The following TRPC4 variants were observed in gnomAD, a reference collection of about 807,000 sequenced individuals.
TRPC4 encodes transient receptor potential cation channel subfamily C member 4.
A neutral mutation model predicts 99.4 loss-of-function variants in TRPC4; 49 were observed. The observed-to-expected ratio is 0.49, with a 90% CI of 0.39 to 0.63. The LOEUF (loss-of-function observed/expected upper bound fraction) is 0.63. Among genes scored for constraint, TRPC4 ranks in the 20% least tolerant of loss-of-function variants. The probability of loss-of-function intolerance (pLI) is 0.00; values close to 1 mark genes in which losing one functional copy is unlikely to be tolerated. For synonymous variants in TRPC4, 454 were observed against 425.9 expected, an observed-to-expected ratio of 1.07 and a Z score of -0.81; for missense variants, 898 against 1,152.9, an observed-to-expected ratio of 0.78 and a Z score of 3.20.
At chr13:37,647,565 A>G (rs1164553169) in intron 8 of TRPC4, among the ~76,000 whole-genome samples, 3 of 152,224 alleles carry the variant, frequency 2.0e-5, no homozygotes, top group Non-Finnish European at 2.9e-5. Context: ...ACTGGGAAAC[A>G]ATGGAAGACC....
At chr13:37,743,040 C>T (rs745708315) in intron 3 of TRPC4, among the ~76,000 whole-genome samples, 5 of 151,960 alleles carry the variant, frequency 3.3e-5, no homozygotes, top group Non-Finnish European at 1.5e-5. Flanking sequence ...GTAAGAATTT[C>T]GTTTTCATTT....
chr13:37,637,085 T>A lies in TRPC4; in HGVS notation c.2752A>T (p.Thr918Ser), dbSNP rs1422991684. 6.2e-7 allele frequency: 1 copy of A among 1,613,792 alleles called. No homozygotes were observed. Among genetic ancestry groups the A allele is most frequent in the South Asian group, 1.1e-5 (1 of 91,076 alleles). Residue 918 changes from threonine (T) to serine (S), a missense_variant, in exon 11 of 11, where the codon ACA becomes TCA. Thr to Ser is a moderately conservative substitution (Grantham distance 58). Transcript: ENST00000379705. ...CTCTTTCCTACCTGTAACCCCAGTG[T>A]GTCCGTATTCCTTTCTCTATGGTCT... is the stretch of plus-strand genomic sequence containing the variant. ...LVDHRERNTDTLGLQVGKRVC... is the reference protein window; with the variant it reads ...LVDHRERNTDSLGLQVGKRVC...
intron 2 of TRPC4, among the ~76,000 whole-genome samples, chr13:37,762,068 C>T (rs570363023): frequency 6.6e-6 from 1 of 151,872 alleles, no homozygotes; most frequent in South Asian, 2.1e-4. Flanking sequence ...CTTTAAATCA[C>T]CAGCAGGTTG....
chr13:37,685,608 AT>A (rs145688863), intron 4 of TRPC4, among the ~76,000 whole-genome samples: 3,324 of 146,542 alleles, frequency 0.023, 120 homozygotes, highest in African/African-American at 0.077. Flanking sequence ...CAAGAATCTC[AT>A]TTTTTTTTTT....
At chr13:37,771,558 AGTGTGT>A (rs34539317) in intron 2 of TRPC4, among the ~76,000 whole-genome samples, 10,783 of 147,446 alleles carry the variant, frequency 0.073, 505 homozygotes, top group Admixed American at 0.15. Flanking sequence ...AGTGTGCATG[AGTGTGT>A]GTGTGTGTGT....
chr13:37,750,958 T>A (rs1955917626), intron 2 of TRPC4, among the ~76,000 whole-genome samples: 1 of 152,088 alleles, frequency 6.6e-6, no homozygotes, highest in Non-Finnish European at 1.5e-5. Flanking sequence ...CAGATTCTGG[T>A]ATCAATGTGA....
intron 1 of TRPC4, among the ~76,000 whole-genome samples, chr13:37,819,141 A>G (rs747894944): frequency 6.6e-6 from 1 of 152,050 alleles, no homozygotes; most frequent in Admixed American, 6.6e-5. Context: ...ACCATCTTAC[A>G]CCATCAGAAT....
intron 1 of TRPC4, among the ~76,000 whole-genome samples, chr13:37,814,422 T>A (rs1184161481): frequency 6.6e-6 from 1 of 151,740 alleles, no homozygotes; most frequent in Non-Finnish European, 1.5e-5. Context: ...AAATAAGTAA[T>A]CCATAAAAAT....
At chr13:37,859,097 AAAATGAAT>A (rs933494483) in intron 1 of TRPC4, among the ~76,000 whole-genome samples, 7 of 151,606 alleles carry the variant, frequency 4.6e-5, no homozygotes, top group African/African-American at 1.7e-4. Context: ...AAAAATATAC[AAAATGAAT>A]AAATAAATCA....
intron 1 of TRPC4, among the ~76,000 whole-genome samples, chr13:37,855,471 C>T (rs1469705783): frequency 6.6e-6 from 1 of 151,448 alleles, no homozygotes; most frequent in Non-Finnish European, 1.5e-5. Context: ...ACTGGACAGA[C>T]CTCCCAGACA....
At chr13:37,697,361 AAAT>A (rs1385611117) in intron 3 of TRPC4, among the ~76,000 whole-genome samples, 1 of 152,218 alleles carries the variant, frequency 6.6e-6, no homozygotes, top group Non-Finnish European at 1.5e-5. Flanking sequence ...GTCCGACATG[AAAT>A]AAACTGAAAA....
intron 6 of TRPC4, 87 bp from the exon 7 acceptor site, chr13:37,655,370 T>TAC (rs1555251590): frequency 1.0e-5 from 4 of 400,900 alleles, no homozygotes; most frequent in African/African-American, 7.6e-5. Flanking sequence ...CATGATTATA[T>TAC]ATATATATAT....
chr13:37,733,466 A>G (rs903298194), intron 3 of TRPC4, among the ~76,000 whole-genome samples: 1 of 152,202 alleles, frequency 6.6e-6, no homozygotes, highest in Non-Finnish European at 1.5e-5. Context: ...GATTTCTAAC[A>G]TGAATAACCG....
intron 3 of TRPC4, among the ~76,000 whole-genome samples, chr13:37,737,599 A>G (rs145407184): frequency 0.01 from 1,550 of 152,146 alleles, 13 homozygotes; most frequent in South Asian, 0.03. Flanking sequence ...TCAGCTTCAC[A>G]AGTAGCTGGG....
At chr13:37,750,589 G>A (rs569607843) in intron 2 of TRPC4, among the ~76,000 whole-genome samples, 1 of 152,102 alleles carries the variant, frequency 6.6e-6, no homozygotes, top group Admixed American at 6.6e-5. Context: ...GAAACATTCT[G>A]ACTTTCCTGA....
intron 1 of TRPC4, among the ~76,000 whole-genome samples, chr13:37,810,255 T>C (rs1407623882): frequency 6.6e-6 from 1 of 152,106 alleles, no homozygotes; most frequent in African/African-American, 2.4e-5. Context: ...TAAGATACAA[T>C]GTTATTTGAT....
intron 1 of TRPC4, among the ~76,000 whole-genome samples, chr13:37,855,940 C>A (rs1480522560): frequency 6.6e-6 from 1 of 151,426 alleles, no homozygotes; most frequent in African/African-American, 2.4e-5. Context: ...GGAAAAACTT[C>A]AAATAAATGA....
intron 3 of TRPC4, among the ~76,000 whole-genome samples, chr13:37,708,776 C>T (rs1245769960): frequency 6.6e-6 from 1 of 150,420 alleles, no homozygotes; most frequent in Non-Finnish European, 1.5e-5. Flanking sequence ...TCTAGTAAGT[C>T]ATGTATTCCA....
intron 1 of TRPC4, 103 bp from the exon 2 acceptor site, chr13:37,783,463 C>T (rs9594231): frequency 2.4e-6 from 2 of 838,318 alleles, no homozygotes; most frequent in Middle Eastern, 3.1e-4. Context: ...AACAACAATA[C>T]CATTATTAGT....
Sources: allele counts gnomAD v4.1 joint callset (sites outside exome capture counted in the v4.1 genomes callset), GRCh38; gene constraint gnomAD v4.1.1; transcripts MANE v1.5; gene names NCBI Gene and HGNC (gene_info 2026-07-23, HGNC 2026-07-21).